Variants in HGS observed in about 807,000 individuals in gnomAD.
The protein encoded by HGS is hepatocyte growth factor-regulated tyrosine kinase substrate, also known as human growth factor-regulated tyrosine kinase substrate.
HGS carries 63 observed loss-of-function variants against 109.7 expected under a neutral mutation model. The observed-to-expected ratio is 0.57, with a 90% CI of 0.47 to 0.71. HGS has a LOEUF of 0.71. Ranked by LOEUF, HGS falls within the 30% of genes least tolerant of loss-of-function variation. The pLI is 0.00. For synonymous variants in HGS, 546 were observed against 437.3 expected (o/e 1.25, Z -3.10); for missense variants, 995 against 1,068.3 (o/e 0.93, Z 0.96).
At chr17:81,689,462 G>C (rs1033712262) in intron 5 of HGS, among the ~76,000 whole-genome samples, 1 of 152,126 alleles carries the variant, frequency 6.6e-6, no homozygotes, top group Non-Finnish European at 1.5e-5. Context: ...AGAGAGAGGT[G>C]GGGGCTTCAG....
In HGS at chr17:81,687,102, G is replaced by A. The variant is rs746985887; in HGVS notation, c.291+7G>A. On this transcript the variant is annotated splice_region_variant and intron_variant, in intron 4 of 21. Transcript: ENST00000329138. ...GCTGAAGGACCTGCTGAAGGTGGGT[G>A]AGACGGGGGCATGCGGGTGGCCACC... The A allele has an allele frequency of 2.5e-6, 4 of 1,609,070 alleles. No individual in the cohort carries two copies. The highest frequency in any genetic ancestry group is 1.7e-5 in the Admixed American group (1 of 59,724).
Position 81,695,583 on chromosome 17 carries a change from C to T in HGS, c.1180-203C>T. ...CTGGCAGTGGGGCCCTGAGCCAGCT[C>T]CGTCCTGACCAGGGCTTGCAGCTGG... On this transcript the variant is annotated intron_variant, in intron 14 of 21. Coordinates refer to ENST00000329138, the MANE Select transcript of HGS (RefSeq NM_004712.5). 8.2e-6 allele frequency: 5 copies of T among 613,430 alleles called. No individual in the cohort carries two copies. In the South Asian group the frequency reaches 9.8e-5, roughly 12 times the overall value. The allele number at this position is 613,430 out of a possible 1,614,324, so 38.0% of individuals were successfully genotyped here. A position where few individuals can be genotyped will look rare whatever the true frequency, so the allele number is the denominator to read the frequency against.
chr17:81,684,459 T>C, intron 1 of HGS: 1 of 245,750 alleles, frequency 4.1e-6, no homozygotes, highest in Admixed American at 5.6e-5. Context: ...GGTGACTCAG[T>C]CGGATGTTAG....
intron 1 of HGS, chr17:81,684,752 T>G: frequency 5.4e-6 from 1 of 184,780 alleles, no homozygotes; most frequent in Non-Finnish European, 1.0e-5. Context: ...GCGTCTAATG[T>G]TTGGGGGTAG....
chr17:81,693,727 C>T lies in HGS; in HGVS notation c.815C>T (p.Ser272Leu). Residue 272 changes from serine to leucine, a missense_variant, in exon 10 of 22, where the codon TCA (serine) becomes TTA (leucine). Transcript: ENST00000329138. Reference protein sequence around the residue: ...ELQLALALSQSEAEEKERLRQ... With the variant: ...ELQLALALSQLEAEEKERLRQ... ...CAGCTGGCCCTGGCGCTGTCACAGTCAGAGGCGGAGGAGAAGGAGAGGCTG... is the reference window on the plus strand; with the variant it reads ...CAGCTGGCCCTGGCGCTGTCACAGTTAGAGGCGGAGGAGAAGGAGAGGCTG... The T allele has an allele frequency of 6.4e-7, 1 of 1,556,906 alleles. No homozygotes were observed. The highest frequency in any genetic ancestry group is 8.7e-7 in the Non-Finnish European group (1 of 1,151,410).
chr17:81,695,776 C>G lies in HGS; in HGVS notation c.1180-10C>G. 1.2e-6 allele frequency: 2 copies of G among 1,613,002 alleles called. No individual in the cohort carries two copies. Among genetic ancestry groups the G allele is most frequent in the East Asian group, 4.5e-5 (2 of 44,876 alleles). On this transcript the variant is annotated splice_polypyrimidine_tract_variant and intron_variant, in intron 14 of 21. Transcript: ENST00000329138. ...GGCCGCACTCATCCAGAACCCTGCT[C>G]TGCCTGCAGCCACAGTTCCACAATG... is the stretch of plus-strand genomic sequence containing the variant.
At chr17:81,700,413 C>T (rs1213336791) in intron 18 of HGS, 54 bp from the exon 19 acceptor site, 11 of 1,469,654 alleles carry the variant, frequency 7.5e-6, no homozygotes, top group East Asian at 4.8e-5. Flanking sequence ...GGTGTCCCTT[C>T]CTCTCCTCCC....
At position 81,690,178 on chromosome 17, in the gene HGS, C is replaced by G. The variant is rs2037041727; in HGVS notation, c.416-4C>G. On this transcript the variant is annotated splice_region_variant and splice_polypyrimidine_tract_variant and intron_variant, in intron 5 of 21. Coordinates refer to ENST00000329138, the MANE Select transcript of HGS (RefSeq NM_004712.5). ...AGGCAGTGACTATGGCTTCATCTCT[C>G]CAGGGCACGTCTTTCCAGAATTCAA... 1.2e-6 allele frequency: 2 copies of G among 1,613,462 alleles called. No individual in the cohort carries two copies. The highest frequency in any genetic ancestry group is 1.3e-5 in the African/African-American group (1 of 74,914).
chr17:81,684,392 C>T (rs956921397), intron 1 of HGS: 24 of 328,518 alleles, frequency 7.3e-5, no homozygotes, highest in Non-Finnish European at 1.1e-4. Context: ...CGGCCGATTT[C>T]CTCTTGACCG....
Position 81,701,085 on chromosome 17 carries a change from C to T in HGS, c.2177C>T (p.Pro726Leu). 6.2e-7 allele frequency: 1 copy of T among 1,614,082 alleles called. No individual in the cohort carries two copies. Among genetic ancestry groups the T allele is most frequent in the Non-Finnish European group, 8.5e-7 (1 of 1,180,038 alleles). ...CTCCCAAGCCAGGATGCGTCTCTGC[C>T]ACCCCAGCAGCCCTACATCGCGGGG... The part of the protein sequence containing the change: ...TTLPSQDASL[P>L]PQQPYIAGQQ... The change falls in exon 21 of 22, where the codon CCA (proline) becomes CTA (leucine). Residue 726 changes from proline to leucine, a missense_variant. Transcript: ENST00000329138.
At chr17:81,689,122 T>C (rs2144488703) in intron 5 of HGS, among the ~76,000 whole-genome samples, 1 of 152,266 alleles carries the variant, frequency 6.6e-6, no homozygotes, top group African/African-American at 2.4e-5. Context: ...GGGGCCGGGT[T>C]GGGCTGTGCA....
chr17:81,700,114 C>T (rs1394195653), intron 18 of HGS, among the ~76,000 whole-genome samples: 2 of 151,748 alleles, frequency 1.3e-5, no homozygotes, highest in Admixed American at 1.3e-4. Context: ...CGCCTGTAAT[C>T]CCAGCACTTT....
intron 1 of HGS, among the ~76,000 whole-genome samples, chr17:81,685,379 G>T (rs1568211265): frequency 6.6e-6 from 1 of 152,174 alleles, no homozygotes; most frequent in Non-Finnish European, 1.5e-5. Flanking sequence ...TTGTGGGAGG[G>T]CTTGGACCAG....
intron 2 of HGS, among the ~76,000 whole-genome samples, chr17:81,686,099 T>G (rs116219263): frequency 0.021 from 3,186 of 152,042 alleles, 128 homozygotes; most frequent in African/African-American, 0.072. Flanking sequence ...CCCGGCTGAT[T>G]TTTTGTATTT....
chr17:81,689,594 C>T (rs989523810), intron 5 of HGS, among the ~76,000 whole-genome samples: 5 of 152,036 alleles, frequency 3.3e-5, no homozygotes, highest in African/African-American at 4.8e-5. Context: ...AGGCTGAGAG[C>T]GTGGGGAATG....
Position 81,696,406 on chromosome 17 carries a change from G to A in HGS, c.1443G>A (p.Arg481=), listed in dbSNP as rs1178981356. 1.9e-6 allele frequency: 3 copies of A among 1,584,946 alleles called. No homozygotes were observed. In the South Asian group the frequency reaches 3.5e-5, roughly 18 times the overall value. Residue 481 remains arginine (R), a synonymous_variant, in exon 16 of 22, where the codon CGG becomes CGA. Transcript: ENST00000329138. The stretch of plus-strand genomic sequence containing the variant: ...AGCTGGCACAGATCCGCGATGCCCG[G>A]GGGGCGCTGAGTGCCCTGCGCGAAG... The part of the protein sequence containing the change: ...QDKLAQIRDA[R]GALSALREEH...
Position 81,700,709 on chromosome 17 carries a change from G to C in HGS, c.2031G>C (p.Gln677His), listed in dbSNP as rs1568220403. Residue 677 changes from glutamine to histidine, a missense_variant, in exon 20 of 22, where the codon CAG becomes CAC. Coordinates refer to ENST00000329138, the MANE Select transcript of HGS (RefSeq NM_004712.5). ...TCCCTCCGCAGAACGTGGCCTCCCAGGCCCCACAGAGCCTCCCGGCCATCT... is the reference window on the plus strand; with the variant it reads ...TCCCTCCGCAGAACGTGGCCTCCCACGCCCCACAGAGCCTCCCGGCCATCT... ...PTAGYQNVASQAPQSLPAISQ... is the reference protein window; with the variant it reads ...PTAGYQNVASHAPQSLPAISQ... 6.3e-7 allele frequency: 1 copy of C among 1,583,130 alleles called. No individual in the cohort carries two copies. Among genetic ancestry groups the C allele is most frequent in the East Asian group, 2.3e-5 (1 of 43,376 alleles).
intron 8 of HGS, chr17:81,692,998 A>ATG (rs1281431841): frequency 2.0e-5 from 3 of 151,938 alleles, no homozygotes; most frequent in Non-Finnish European, 4.4e-5. Flanking sequence ...GCGACAGAGC[A>ATG]AGACTCTATC....
Position 81,691,285 on chromosome 17 carries a change from G to A in HGS, c.538-162G>A. ...TTGAGACTCCCGGGAGCATGTCCAGGTTCCCCGGCCTTAGGGTCTTCCCAG... is the reference window on the plus strand; with the variant it reads ...TTGAGACTCCCGGGAGCATGTCCAGATTCCCCGGCCTTAGGGTCTTCCCAG... On this transcript the variant is annotated intron_variant, in intron 7 of 21. Coordinates refer to ENST00000329138, the MANE Select transcript of HGS (RefSeq NM_004712.5). This position sits in a 1 kb window ranked among gnomAD's most constrained non-coding sequence, Gnocchi z 5.3. 3.7e-6 allele frequency: 3 copies of A among 810,882 alleles called. No homozygotes were observed. Among genetic ancestry groups the A allele is most frequent in the Non-Finnish European group, 5.9e-6 (3 of 506,488 alleles). 50.2% of individuals were successfully genotyped at this position (810,882 alleles called of 1,614,324 possible).
Sources: allele counts gnomAD v4.1 joint callset (sites outside exome capture counted in the v4.1 genomes callset), GRCh38; gene constraint gnomAD v4.1.1; non-coding constraint Gnocchi (gnomAD v3.1); transcripts MANE v1.5; gene names NCBI Gene and HGNC (gene_info 2026-07-23, HGNC 2026-07-21).